Variants in NBAS observed in about 807,000 individuals in gnomAD.
NBAS encodes NBAS subunit of NRZ tethering complex.
In NBAS, 219 loss-of-function variants were observed where a neutral mutation model predicts 302.5. That is an observed-to-expected ratio of 0.72 (90% CI 0.65 to 0.81). The LOEUF is 0.81. Among genes scored for constraint, NBAS ranks in the 30% least tolerant of loss-of-function variants. NBAS has a pLI of 0.00. For missense variants in NBAS, 2,932 were observed against 2,841.6 expected (o/e 1.03, Z -0.72); for synonymous variants, 1,118 against 1,021.6 (o/e 1.09, Z -1.80).
chr2:14,814,219 C>T, the NBAS span, among the ~76,000 whole-genome samples: 1 of 151,938 alleles, frequency 6.6e-6, no homozygotes, highest in South Asian at 2.1e-4. Flanking sequence ...CACATAGAGT[C>T]CCCACTGGGG....
chr2:14,832,550 G>A, the NBAS span, among the ~76,000 whole-genome samples: 55 of 152,138 alleles, frequency 3.6e-4, 1 homozygote, highest in East Asian at 7.9e-3. Flanking sequence ...CTGTGCCATC[G>A]CTCCACCATT....
intron 44 of NBAS, among the ~76,000 whole-genome samples, chr2:15,251,479 A>G (rs938355166): frequency 3.9e-5 from 6 of 152,146 alleles, no homozygotes; most frequent in Non-Finnish European, 1.5e-5. Flanking sequence ...ACAAACAAAC[A>G]AAGTCCATAG....
chr2:15,473,244 A>G lies in NBAS; in HGVS notation c.1703T>C (p.Val568Ala), dbSNP rs1558371294. The G allele has an allele frequency of 2.5e-6, 4 of 1,614,076 alleles. No homozygotes were observed. The East Asian group carries it at 8.9e-5, about 36-fold the overall frequency. Residue 568 changes from valine to alanine, a missense_variant, in exon 16 of 52, where the codon GTT becomes GCT. Physicochemically the swap from Val to Ala is moderately conservative, Grantham distance 64. Transcript: ENST00000281513. ...QRQWRKSAVN[V>A]ASIQNYLSKI... is the part of the protein sequence containing the mutation. ...TACCAAATAATTCTGAATTGAAGCA[A>G]CGTTGACCGCTGACTTCCTCCACTG...
chr2:15,217,109 T>A (rs1666687198), intron 48 of NBAS, among the ~76,000 whole-genome samples: 1 of 152,242 alleles, frequency 6.6e-6, no homozygotes, highest in South Asian at 2.1e-4. Context: ...ATAGAGCTTG[T>A]GGCCTATGCC....
chr2:15,088,252 A>C, the NBAS span, among the ~76,000 whole-genome samples: 1 of 152,348 alleles, frequency 6.6e-6, no homozygotes, highest in African/African-American at 2.4e-5. Context: ...GAATCTATGA[A>C]GGAATTTGAA....
At chr2:15,122,395 A>AG in the NBAS span, among the ~76,000 whole-genome samples, 1 of 152,150 alleles carries the variant, frequency 6.6e-6, no homozygotes, top group Non-Finnish European at 1.5e-5. Context: ...AAGAAAGAGA[A>AG]GGGGGAAGTC....
At chr2:15,025,872 A>G in the NBAS span, among the ~76,000 whole-genome samples, 117,216 of 152,110 alleles carry the variant, frequency 0.77, 45,438 homozygotes, top group East Asian at 1. Context: ...AGCAGATACT[A>G]TGGGATTTTC....
At chr2:15,522,831 T>C (rs933179785) in intron 9 of NBAS, among the ~76,000 whole-genome samples, 3 of 152,242 alleles carry the variant, frequency 2.0e-5, no homozygotes, top group African/African-American at 4.8e-5. Flanking sequence ...CCAAGCCTTA[T>C]TGATAACAAA....
rs187520434 is a variant in NBAS at position 15,287,116 on chromosome 2, C to T, written c.5095G>A (p.Glu1699Lys). 10 of 1,614,086 alleles carry T rather than the reference C, an allele frequency of 6.2e-6. No individual in the cohort carries two copies. In the East Asian group the frequency reaches 2.2e-4, roughly 36 times the overall value. The change falls in exon 42 of 52, where the codon GAA becomes AAA. Residue 1699 changes from glutamate to lysine, a missense_variant. Physicochemically the swap from Glu to Lys is moderately conservative, Grantham distance 56. Transcript: ENST00000281513. ...AACTCCAAATGGGTCATAAAAACTT[C>T]CCAGCGGGAGACACTGTAACGTTGT... ...LAQRYSVSRW[E>K]VFMTHLEFLF...
At chr2:14,963,390 C>G in the NBAS span, among the ~76,000 whole-genome samples, 1 of 152,230 alleles carries the variant, frequency 6.6e-6, no homozygotes, top group African/African-American at 2.4e-5. Flanking sequence ...GGTTAAGACA[C>G]AGACCATCTG....
At chr2:15,390,523 G>A (rs1675539162) in intron 28 of NBAS, among the ~76,000 whole-genome samples, 1 of 152,144 alleles carries the variant, frequency 6.6e-6, no homozygotes. Context: ...GAGGTCTACT[G>A]TACACCATGA....
At chr2:15,294,805 T>C (rs944136247) in intron 40 of NBAS, among the ~76,000 whole-genome samples, 7 of 152,154 alleles carry the variant, frequency 4.6e-5, no homozygotes, top group African/African-American at 1.7e-4. Context: ...GTGCCCCAGA[T>C]TTACACCCCA....
At position 15,441,638 on chromosome 2, in the gene NBAS, T is replaced by A. The variant is rs937385188; in HGVS notation, c.2340-13844A>T. Among the ~76,000 whole-genome samples the A allele has an allele frequency of 6.7e-5, 10 of 149,610 alleles. No homozygotes were observed. In the East Asian group the frequency reaches 8.0e-4, roughly 12 times the overall value. The stretch of plus-strand genomic sequence containing the variant: ...ACCAGCTAACATCATAATGACAGGA[T>A]CAAATTCACACATAACAATATTAAC... On this transcript the variant is annotated intron_variant, in intron 21 of 51. Coordinates refer to ENST00000281513, the MANE Select transcript of NBAS (RefSeq NM_015909.4).
chr2:15,327,283 G>A (rs1193395337), intron 38 of NBAS, among the ~76,000 whole-genome samples: 4 of 151,854 alleles, frequency 2.6e-5, no homozygotes, highest in African/African-American at 9.7e-5. Flanking sequence ...AAAAGAAGGA[G>A]GCTAAAGGAA....
intron 27 of NBAS, among the ~76,000 whole-genome samples, chr2:15,396,172 G>C (rs549377915): frequency 6.6e-6 from 1 of 152,024 alleles, no homozygotes; most frequent in Non-Finnish European, 1.5e-5. Context: ...AAGATCACAC[G>C]ACTAGTAAGT....
At chr2:14,791,389 C>A in the NBAS span, among the ~76,000 whole-genome samples, 1 of 152,158 alleles carries the variant, frequency 6.6e-6, no homozygotes, top group Non-Finnish European at 1.5e-5. Flanking sequence ...CCATCTCCAC[C>A]AATATCCTTG....
chr2:15,465,412 T>C (rs1679681241), intron 19 of NBAS, among the ~76,000 whole-genome samples: 1 of 152,198 alleles, frequency 6.6e-6, no homozygotes, highest in Admixed American at 6.5e-5. Context: ...ACCTTTCTTA[T>C]CAGCATTTAA....
chr2:14,861,542 T>C, the NBAS span, among the ~76,000 whole-genome samples: 2 of 152,250 alleles, frequency 1.3e-5, no homozygotes, highest in Admixed American at 1.3e-4. Context: ...ACACAGACTT[T>C]AGATCACATT....
At chr2:15,540,707 C>CTTTTG (rs893636365) in intron 6 of NBAS, among the ~76,000 whole-genome samples, 1 of 139,514 alleles carries the variant, frequency 7.2e-6, no homozygotes, top group Non-Finnish European at 1.6e-5. Flanking sequence ...AAATATATGC[C>CTTTTG]TTTTGTTTTG....
Sources: gnomAD v4.1 joint callset for allele counts (sites outside exome capture counted in the v4.1 genomes callset) on GRCh38, gnomAD v4.1.1 for gene constraint, MANE v1.5 for transcripts, NCBI Gene and HGNC (gene_info 2026-07-23, HGNC 2026-07-21) for gene names.